COL8A1: variants seen among roughly 807,000 people sequenced by gnomAD.
COL8A1 encodes collagen type VIII alpha 1 chain.
A neutral mutation model predicts 42.7 loss-of-function variants in COL8A1; 21 were observed. The observed-to-expected ratio is 0.49, with a 90% CI of 0.35 to 0.71. The LOEUF is 0.71. COL8A1 is among the 30% of genes least tolerant of loss of function. The pLI, the probability that COL8A1 is intolerant of heterozygous loss-of-function variation, is 0.01. For missense variants in COL8A1, 788 were observed against 962.4 expected, an observed-to-expected ratio of 0.82 and a Z score of 2.40; for synonymous variants, 367 against 369.1, an observed-to-expected ratio of 0.99 and a Z score of 0.06.
intron 1 of COL8A1, among the ~76,000 whole-genome samples, chr3:99,708,837 G>A (rs1162986339): frequency 2.6e-5 from 4 of 152,016 alleles, no homozygotes; most frequent in Non-Finnish European, 2.9e-5. Flanking sequence ...AATTAGACCC[G>A]GGGTGCATAC....
intron 2 of COL8A1, among the ~76,000 whole-genome samples, chr3:99,764,545 T>G (rs1432024996): frequency 6.6e-6 from 1 of 152,186 alleles, no homozygotes; most frequent in Admixed American, 6.5e-5. Context: ...TGGAGGTAGA[T>G]TCCCTGAGCT....
intron 1 of COL8A1, among the ~76,000 whole-genome samples, chr3:99,727,596 A>T (rs1940372378): frequency 6.6e-6 from 1 of 151,984 alleles, no homozygotes; most frequent in Non-Finnish European, 1.5e-5. Context: ...GTTTTTTGTC[A>T]GGTTTGTCAA....
At chr3:99,652,236 T>G (rs1048078227) in intron 1 of COL8A1, among the ~76,000 whole-genome samples, 1 of 152,214 alleles carries the variant, frequency 6.6e-6, no homozygotes, top group Non-Finnish European at 1.5e-5. Context: ...GAAATAGAAT[T>G]CATTGTCACC....
At chr3:99,736,480 C>T (rs1278326719) in intron 1 of COL8A1, among the ~76,000 whole-genome samples, 5 of 152,046 alleles carry the variant, frequency 3.3e-5, no homozygotes, top group African/African-American at 7.3e-5. Context: ...GCCTTCATTT[C>T]GTTATGTACC....
At chr3:99,647,968 G>C (rs1414104662) in intron 1 of COL8A1, among the ~76,000 whole-genome samples, 1 of 152,194 alleles carries the variant, frequency 6.6e-6, no homozygotes, top group Non-Finnish European at 1.5e-5. Flanking sequence ...AAGTGGCACA[G>C]TTGAGCACCC....
intron 1 of COL8A1, among the ~76,000 whole-genome samples, chr3:99,731,591 C>G (rs531653059): frequency 6.6e-6 from 1 of 152,120 alleles, no homozygotes; most frequent in South Asian, 2.1e-4. Context: ...ATGATCTGAT[C>G]TACATTTTTC....
chr3:99,673,416 C>T (rs1576424296), intron 1 of COL8A1, among the ~76,000 whole-genome samples: 1 of 152,030 alleles, frequency 6.6e-6, no homozygotes, highest in East Asian at 1.9e-4. Context: ...GGACATTGTG[C>T]TTCCTTTCAA....
intron 1 of COL8A1, among the ~76,000 whole-genome samples, chr3:99,717,692 G>A (rs1051393023): frequency 6.6e-6 from 1 of 151,732 alleles, no homozygotes; most frequent in African/African-American, 2.4e-5. Flanking sequence ...ACCCCAATTA[G>A]GTATATAACT....
intron 1 of COL8A1, among the ~76,000 whole-genome samples, chr3:99,723,633 T>G (rs142135053): frequency 1.6e-4 from 25 of 152,242 alleles, no homozygotes; most frequent in African/African-American, 5.1e-4. Flanking sequence ...ATGCCCTGCT[T>G]ACTACAATTT....
chr3:99,661,441 CAAA>C (rs1301135806), intron 1 of COL8A1, among the ~76,000 whole-genome samples: 2 of 151,842 alleles, frequency 1.3e-5, no homozygotes, highest in Non-Finnish European at 2.9e-5. Flanking sequence ...TGACTAGTAT[CAAA>C]ACAAAAAACA....
chr3:99,742,903 G>A (rs1047084551), intron 1 of COL8A1, among the ~76,000 whole-genome samples: 3 of 152,016 alleles, frequency 2.0e-5, no homozygotes, highest in African/African-American at 7.2e-5. Context: ...TTTAGAAGAA[G>A]AAGAAAAATT....
At chr3:99,727,831 T>C (rs563659468) in intron 1 of COL8A1, among the ~76,000 whole-genome samples, 1 of 151,960 alleles carries the variant, frequency 6.6e-6, no homozygotes, top group Non-Finnish European at 1.5e-5. Context: ...GCAAGGCTGG[T>C]TCAACATACA....
chr3:99,769,275 C>T (rs919426226), intron 2 of COL8A1, among the ~76,000 whole-genome samples: 7 of 152,210 alleles, frequency 4.6e-5, no homozygotes, highest in African/African-American at 1.4e-4. Flanking sequence ...CAGTCCTTAT[C>T]CTATCCTCCA....
In COL8A1 at chr3:99,646,499, A is replaced by G. The variant is rs72932331; in HGVS notation, c.-129+7835A>G. On this transcript the variant is annotated intron_variant, in intron 1 of 3. Transcript: ENST00000652472. ...TTTTTAAATAACTACCTTCTTTACC[A>G]CTTAGAGACATGTGAGGTCCTGTCA... Among the ~76,000 whole-genome samples the G allele has an allele frequency of 5.5e-3, 839 of 152,266 alleles. 8 individuals carry two copies. The highest frequency in any genetic ancestry group is 0.019 in the African/African-American group (784 of 41,552).
At chr3:99,720,140 C>A (rs1331121991) in intron 1 of COL8A1, among the ~76,000 whole-genome samples, 2 of 152,068 alleles carry the variant, frequency 1.3e-5, no homozygotes, top group Non-Finnish European at 2.9e-5. Flanking sequence ...AAAGTAGATC[C>A]AATTAGATCT....
intron 2 of COL8A1, among the ~76,000 whole-genome samples, chr3:99,762,370 A>T (rs1029971971): frequency 6.6e-6 from 1 of 152,222 alleles, no homozygotes; most frequent in African/African-American, 2.4e-5. Context: ...TTAAATACTT[A>T]AAAGTTATCA....
chr3:99,768,446 G>A (rs1941506237), intron 2 of COL8A1, among the ~76,000 whole-genome samples: 1 of 152,210 alleles, frequency 6.6e-6, no homozygotes. Flanking sequence ...GCACCCAAAT[G>A]TAATATGTAT....
At chr3:99,703,060 A>G (rs981814624) in intron 1 of COL8A1, among the ~76,000 whole-genome samples, 1 of 152,184 alleles carries the variant, frequency 6.6e-6, no homozygotes, top group Admixed American at 6.5e-5. Flanking sequence ...CAGAAGCTGA[A>G]GTCAAAGAGG....
intron 1 of COL8A1, among the ~76,000 whole-genome samples, chr3:99,727,921 G>A (rs1940384981): frequency 6.6e-6 from 1 of 151,566 alleles, no homozygotes; most frequent in Admixed American, 6.6e-5. Context: ...TGCAGAAAAG[G>A]CCTTTGACAA....
Sources: allele counts gnomAD v4.1 joint callset (sites outside exome capture counted in the v4.1 genomes callset), GRCh38; gene constraint gnomAD v4.1.1; transcripts MANE v1.5; gene names NCBI Gene and HGNC (gene_info 2026-07-23, HGNC 2026-07-21).